The following PPP1R1C variants were observed in gnomAD, a reference collection of about 807,000 sequenced individuals.
The protein encoded by PPP1R1C is protein phosphatase 1 regulatory inhibitor subunit 1C.
A neutral mutation model predicts 17.4 loss-of-function variants in PPP1R1C; 15 were observed. The observed-to-expected ratio is 0.86, with a 90% CI of 0.58 to 1.33. The LOEUF (loss-of-function observed/expected upper bound fraction) is 1.33. Ranked by LOEUF, PPP1R1C falls within the 40% of genes most tolerant of loss-of-function variation. The probability of loss-of-function intolerance (pLI) is 0.00; values close to 1 mark genes in which losing one functional copy is unlikely to be tolerated. For synonymous variants in PPP1R1C, 35 were observed against 43.1 expected (o/e 0.81, Z 0.73); for missense variants, 143 against 130.0 (o/e 1.10, Z -0.48).
At chr2:182,122,097 T>C (rs1322235036), downstream of PPP1R1C, among the ~76,000 whole-genome samples, 1 of 152,136 alleles carries the variant, frequency 6.6e-6, no homozygotes, top group African/African-American at 2.4e-5. Flanking sequence ...TATCCTCTTA[T>C]ACGTGAGGAA....
At position 182,089,110 on chromosome 2, in the gene PPP1R1C, AT is replaced by A. The variant is rs577676392; in HGVS notation, c.241+25321del. Among the ~76,000 whole-genome samples, 393 of 152,290 alleles carry A rather than the reference AT, an allele frequency of 2.6e-3. 2 individuals carry two copies. In the South Asian group the frequency reaches 0.038, roughly 15 times the overall value. On this transcript the variant is annotated intron_variant, in intron 4 of 4. Coordinates refer to ENST00000682840, the MANE Select transcript of PPP1R1C (RefSeq NM_001080545.3). ...TTGGTTTTGTAAACTGAATCCTGTG[AT>A]TACAGTGGAAATCCAGCTCTGTTCA... is the stretch of plus-strand genomic sequence containing the variant.
At chr2:181,968,182 G>T (rs1043615098) in intron 1 of PPP1R1C, among the ~76,000 whole-genome samples, 1 of 152,238 alleles carries the variant, frequency 6.6e-6, no homozygotes, top group Admixed American at 6.5e-5. Flanking sequence ...GTTGTTGGAT[G>T]AAATGTTTTG....
At chr2:182,102,713 A>G (rs1689134130) in intron 4 of PPP1R1C, among the ~76,000 whole-genome samples, 1 of 152,250 alleles carries the variant, frequency 6.6e-6, no homozygotes, top group African/African-American at 2.4e-5. Context: ...TTTGTAACAC[A>G]AAGATGATTT....
chr2:181,991,800 T>A lies in PPP1R1C; in HGVS notation c.142+3901T>A, dbSNP rs191835341. ...GAAGCTACACAGGAGAGCATTATTA[T>A]CTATTCTTATACTGTGTGCTGTTTG... On this transcript the variant is annotated intron_variant, in intron 2 of 4. Coordinates refer to ENST00000682840, the MANE Select transcript of PPP1R1C (RefSeq NM_001080545.3). 3.3e-3 allele frequency among the ~76,000 whole-genome samples: 500 copies of A among 152,338 alleles called. 12 individuals are homozygous for A. The highest frequency in any genetic ancestry group is 0.03 in the Admixed American group (466 of 15,308).
intron 4 of PPP1R1C, among the ~76,000 whole-genome samples, chr2:182,078,325 C>T (rs1034697664): frequency 5.9e-5 from 9 of 152,124 alleles, no homozygotes; most frequent in Admixed American, 5.2e-4. Flanking sequence ...GTATTCCTGT[C>T]GTGTCTTACT....
Position 182,047,232 on chromosome 2 carries a change from G to A in PPP1R1C, c.143-14210G>A, listed in dbSNP as rs577050855. Among the ~76,000 whole-genome samples, 56 of 152,174 alleles carry A rather than the reference G, an allele frequency of 3.7e-4. 1 individual carries two copies. The highest frequency in any genetic ancestry group is 1.3e-3 in the African/African-American group (53 of 41,520). ...TGAGAATACTTTTGTGATATCTTAT[G>A]TAGAAAAATGAAATATTAGTGTTTT... On this transcript the variant is annotated intron_variant, in intron 2 of 4. Coordinates refer to ENST00000682840, the MANE Select transcript of PPP1R1C (RefSeq NM_001080545.3).
At chr2:182,048,735 T>C (rs1416722073) in intron 2 of PPP1R1C, 1 of 152,190 alleles carries the variant, frequency 6.6e-6, no homozygotes, top group East Asian at 1.9e-4. Flanking sequence ...CTCCTTATAT[T>C]GTTCAACTGT....
intron 5 of PPP1R1C, among the ~76,000 whole-genome samples, chr2:182,125,774 G>T (rs554703706): frequency 6.6e-6 from 1 of 152,118 alleles, no homozygotes; most frequent in African/African-American, 2.4e-5. Flanking sequence ...GTGTCTATTT[G>T]ATTCTTCTCT....
chr2:181,961,572 G>T lies in PPP1R1C; in HGVS notation n.111+6938G>T. 1 of 756,512 alleles carries T rather than the reference G, an allele frequency of 1.3e-6. No individual in the cohort carries two copies. Among genetic ancestry groups the T allele is most frequent in the South Asian group, 1.5e-5 (1 of 68,782 alleles). 46.9% of individuals were successfully genotyped at this position (756,512 alleles called of 1,614,324 possible). A position where few individuals can be genotyped will look rare whatever the true frequency, so the allele number is the denominator to read the frequency against. On this transcript the variant is annotated intron_variant and non_coding_transcript_variant, in intron 1 of 5. Transcript: ENST00000464264. This position sits in a 1 kb window ranked among gnomAD's most constrained non-coding sequence, Gnocchi z 5.8. ...AGTCCAGGTCCATCTTTAAGGACTG[G>T]ACTGTACGTCTCAGCTCCGTGAGCG...
At chr2:182,024,954 T>C (rs868531974) in intron 2 of PPP1R1C, among the ~76,000 whole-genome samples, 3 of 135,436 alleles carry the variant, frequency 2.2e-5, no homozygotes, top group Non-Finnish European at 4.6e-5. Context: ...ATATTCTTCT[T>C]TTTTTTTTTT....
chr2:182,063,665 C>A, intron 3 of PPP1R1C, 66 bp from the exon 4 acceptor site: 1 of 1,207,494 alleles, frequency 8.3e-7, no homozygotes, highest in Non-Finnish European at 1.2e-6. Flanking sequence ...ATTTCCCTCA[C>A]AGGTCTGATG....
chr2:182,127,646 GA>G (rs1386712462), intron 5 of PPP1R1C, among the ~76,000 whole-genome samples: 1 of 151,794 alleles, frequency 6.6e-6, no homozygotes, highest in Non-Finnish European at 1.5e-5. Flanking sequence ...AACTTTTTTA[GA>G]AATCTTGAAC....
chr2:182,082,047 C>T (rs937691087), intron 4 of PPP1R1C, among the ~76,000 whole-genome samples: 3 of 152,056 alleles, frequency 2.0e-5, no homozygotes. Flanking sequence ...AAAGCTATTA[C>T]TTTGACAAAG....
intron 2 of PPP1R1C, among the ~76,000 whole-genome samples, chr2:182,020,167 A>G (rs1686376166): frequency 1.3e-5 from 2 of 152,338 alleles, no homozygotes; most frequent in Non-Finnish European, 2.9e-5. Context: ...TTAAAGTAGC[A>G]TCATTTTGAT....
intron 4 of PPP1R1C, among the ~76,000 whole-genome samples, chr2:182,076,609 C>G (rs1172533589): frequency 1.3e-5 from 2 of 151,770 alleles, no homozygotes; most frequent in African/African-American, 2.4e-5. Flanking sequence ...TCAGAACCCC[C>G]CCACCCCAAA....
intron 2 of PPP1R1C, among the ~76,000 whole-genome samples, chr2:182,049,551 A>C (rs16822412): frequency 6.6e-6 from 1 of 151,868 alleles, no homozygotes; most frequent in Non-Finnish European, 1.5e-5. Context: ...CTGGGATACT[A>C]TTCAACTTAT....
intron 4 of PPP1R1C, among the ~76,000 whole-genome samples, chr2:182,116,907 A>G (rs1689600880): frequency 6.6e-6 from 1 of 152,196 alleles, no homozygotes; most frequent in African/African-American, 2.4e-5. Flanking sequence ...TTAGAATTAT[A>G]ATAAGAATCT....
intron 5 of PPP1R1C, among the ~76,000 whole-genome samples, chr2:182,124,637 G>A (rs1048088423): frequency 6.6e-6 from 1 of 151,896 alleles, no homozygotes; most frequent in Non-Finnish European, 1.5e-5. Context: ...GCATTCCTAG[G>A]TGTTTTACTA....
At chr2:182,105,828 C>T (rs892005738) in intron 4 of PPP1R1C, among the ~76,000 whole-genome samples, 1 of 152,130 alleles carries the variant, frequency 6.6e-6, no homozygotes, top group Admixed American at 6.5e-5. Context: ...ATACACAATT[C>T]AACGCTATGG....
Sources: gnomAD v4.1 joint callset for allele counts (sites outside exome capture counted in the v4.1 genomes callset) on GRCh38, gnomAD v4.1.1 for gene constraint, Gnocchi (gnomAD v3.1) non-coding constraint, MANE v1.5 for transcripts, NCBI Gene and HGNC (gene_info 2026-07-23, HGNC 2026-07-21) for gene names.